Variants in GUCY1A1 observed in about 807,000 individuals in gnomAD.
GUCY1A1 encodes guanylate cyclase 1 soluble subunit alpha 1.
GUCY1A1 carries 48 observed loss-of-function variants against 64.5 expected under a neutral mutation model. That is an observed-to-expected ratio of 0.74 (90% CI 0.59 to 0.95). The LOEUF (loss-of-function observed/expected upper bound fraction) is 0.95, where lower values mean the gene tolerates loss of function less well. Among genes scored for constraint, GUCY1A1 ranks in the 40% least tolerant of loss-of-function variants. GUCY1A1 has a pLI of 0.00. For missense variants in GUCY1A1, 804 were observed against 825.3 expected (o/e 0.97, Z 0.32); for synonymous variants, 308 against 303.4 (o/e 1.02, Z -0.16).
intron 2 of GUCY1A1, among the ~76,000 whole-genome samples, chr4:155,692,054 T>A (rs1019707569): frequency 1.1e-4 from 17 of 152,220 alleles, no homozygotes; most frequent in Non-Finnish European, 2.1e-4. Flanking sequence ...TGTTTGGTTT[T>A]CTGTTCCTGG....
intron 3 of GUCY1A1, among the ~76,000 whole-genome samples, chr4:155,701,213 A>G (rs1156992251): frequency 6.6e-6 from 1 of 152,198 alleles, no homozygotes; most frequent in Admixed American, 6.5e-5. Flanking sequence ...CAGAAGAGCA[A>G]TGGTATAAGA....
chr4:155,712,860 GT>G (rs1732752426), intron 6 of GUCY1A1, among the ~76,000 whole-genome samples: 1 of 152,188 alleles, frequency 6.6e-6, no homozygotes, highest in Non-Finnish European at 1.5e-5. Context: ...AAGCAAGAGC[GT>G]TTTGCATTGT....
intron 9 of GUCY1A1, among the ~76,000 whole-genome samples, chr4:155,726,956 C>T (rs2126992984): frequency 6.6e-6 from 1 of 152,036 alleles, no homozygotes; most frequent in South Asian, 2.1e-4. Flanking sequence ...GGGGAGGATA[C>T]ATGGATGCTG....
intron 2 of GUCY1A1, among the ~76,000 whole-genome samples, chr4:155,681,670 T>A (rs2126611154): frequency 6.6e-6 from 1 of 152,280 alleles, no homozygotes; most frequent in East Asian, 1.9e-4. Context: ...AATTGCTGCT[T>A]CTCTGTCATA....
At chr4:155,668,688 T>C (rs1207244965) in intron 2 of GUCY1A1, among the ~76,000 whole-genome samples, 1 of 152,196 alleles carries the variant, frequency 6.6e-6, no homozygotes, top group Non-Finnish European at 1.5e-5. Flanking sequence ...TATTTTTTCT[T>C]TAAGAGTGAT....
Position 155,735,722 on chromosome 4 carries a change from T to C in GUCY1A1, c.*5491T>C, listed in dbSNP as rs1051512217. On this transcript the variant is annotated 3_prime_UTR_variant, in exon 10 of 10. Transcript: ENST00000506455. ...TATTGAGGAAAGAGCTATGAGGTAG[T>C]TTCAGAGAAAGTGAAAACAAAACAA... The C allele has an allele frequency of 2.0e-5, 3 of 151,932 alleles. No homozygotes were observed. The highest frequency in any genetic ancestry group is 7.2e-5 in the African/African-American group (3 of 41,402). 9.4% of individuals were successfully genotyped at this position (151,932 alleles called of 1,614,324 possible). A position where few individuals can be genotyped will look rare whatever the true frequency, so the allele number is the denominator to read the frequency against.
At chr4:155,691,851 T>C (rs1216288288) in intron 2 of GUCY1A1, among the ~76,000 whole-genome samples, 1 of 152,200 alleles carries the variant, frequency 6.6e-6, no homozygotes, top group Non-Finnish European at 1.5e-5. Context: ...ATAAGTAAAC[T>C]TGTGTCATGG....
At chr4:155,670,703 CA>C (rs1392157456) in intron 2 of GUCY1A1, among the ~76,000 whole-genome samples, 2 of 152,160 alleles carry the variant, frequency 1.3e-5, no homozygotes, top group African/African-American at 4.8e-5. Context: ...GAATGTGCCT[CA>C]CAGCCTGTAG....
At chr4:155,720,337 TTCTATCTATCTATCTATCTA>T (rs59667368) in intron 8 of GUCY1A1, among the ~76,000 whole-genome samples, 12 of 149,906 alleles carry the variant, frequency 8.0e-5, no homozygotes, top group African/African-American at 2.9e-4. Context: ...AAGAGCTTTA[TTCTATCTATCTATCTATCTA>T]TCTATCTATC....
At chr4:155,669,950 A>G (rs1282023126) in intron 2 of GUCY1A1, among the ~76,000 whole-genome samples, 1 of 152,156 alleles carries the variant, frequency 6.6e-6, no homozygotes, top group African/African-American at 2.4e-5. Context: ...CTTTTTTCAG[A>G]ACTAAATAAA....
intron 5 of GUCY1A1, among the ~76,000 whole-genome samples, chr4:155,709,953 T>C (rs909608271): frequency 6.6e-6 from 1 of 152,228 alleles, no homozygotes; most frequent in African/African-American, 2.4e-5. Flanking sequence ...GAGGCTTATT[T>C]CTAACCTTAT....
intron 3 of GUCY1A1, among the ~76,000 whole-genome samples, chr4:155,698,192 G>C (rs2126752156): frequency 6.6e-6 from 1 of 152,254 alleles, no homozygotes; most frequent in South Asian, 2.1e-4. Flanking sequence ...GCTGTAAACA[G>C]TCCAGGCTGG....
intron 5 of GUCY1A1, among the ~76,000 whole-genome samples, chr4:155,709,401 A>C (rs1732241529): frequency 6.6e-6 from 1 of 152,226 alleles, no homozygotes; most frequent in Non-Finnish European, 1.5e-5. Flanking sequence ...GTTACAAAAT[A>C]TTTAACCTAT....
intron 3 of GUCY1A1, among the ~76,000 whole-genome samples, chr4:155,700,248 A>G (rs908834430): frequency 3.9e-5 from 6 of 152,204 alleles, no homozygotes; most frequent in Non-Finnish European, 5.9e-5. Flanking sequence ...ATATGCTTAC[A>G]TAAATGATAA....
intron 2 of GUCY1A1, among the ~76,000 whole-genome samples, chr4:155,680,383 A>C (rs1735556053): frequency 6.6e-6 from 1 of 152,144 alleles, no homozygotes; most frequent in Non-Finnish European, 1.5e-5. Flanking sequence ...GTATCCTGAA[A>C]CATTGCTTAA....
At chr4:155,675,867 C>A (rs1299144945) in intron 2 of GUCY1A1, among the ~76,000 whole-genome samples, 2 of 151,550 alleles carry the variant, frequency 1.3e-5, no homozygotes, top group African/African-American at 4.9e-5. Context: ...CCACCTATGG[C>A]TTTATGGCTT....
intron 2 of GUCY1A1, among the ~76,000 whole-genome samples, chr4:155,695,481 C>A (rs1730295005): frequency 1.3e-5 from 2 of 151,860 alleles, no homozygotes; most frequent in African/African-American, 2.4e-5. Flanking sequence ...ATTTGTAAAC[C>A]ATATTTTGAA....
intron 2 of GUCY1A1, among the ~76,000 whole-genome samples, chr4:155,669,644 T>C (rs1459886581): frequency 2.0e-5 from 3 of 152,162 alleles, no homozygotes; most frequent in Non-Finnish European, 4.4e-5. Context: ...GTGATAATAT[T>C]AAAATTAAAG....
At chr4:155,688,938 C>T (rs552389580) in intron 2 of GUCY1A1, among the ~76,000 whole-genome samples, 8 of 152,036 alleles carry the variant, frequency 5.3e-5, no homozygotes, top group African/African-American at 1.7e-4. Flanking sequence ...AACTATAAGA[C>T]AGCCTTGAGT....
Sources: allele counts gnomAD v4.1 joint callset (sites outside exome capture counted in the v4.1 genomes callset), GRCh38; gene constraint gnomAD v4.1.1; transcripts MANE v1.5; gene names NCBI Gene and HGNC (gene_info 2026-07-23, HGNC 2026-07-21).